SGCZ: variants seen among roughly 807,000 people sequenced by gnomAD.
SGCZ encodes the protein sarcoglycan zeta.
In SGCZ, 40 loss-of-function variants were observed where a neutral mutation model predicts 41.3. The observed-to-expected ratio is 0.97, with a 90% confidence interval of 0.75 to 1.26. The LOEUF (loss-of-function observed/expected upper bound fraction) is 1.26. Ranked by LOEUF, SGCZ falls within the 50% of genes most tolerant of loss-of-function variation. The pLI is 0.00. For synonymous variants in SGCZ, 206 were observed against 137.5 expected (o/e 1.50, Z -3.49); for missense variants, 552 against 369.8 (o/e 1.49, Z -4.04).
intron 1 of SGCZ, among the ~76,000 whole-genome samples, chr8:14,939,479 A>G (rs755204432): frequency 1.3e-5 from 2 of 152,162 alleles, no homozygotes; most frequent in Non-Finnish European, 2.9e-5. Flanking sequence ...TTAATGAGCA[A>G]ATAAAATCAG....
chr8:15,075,404 A>T (rs141909891), intron 1 of SGCZ, among the ~76,000 whole-genome samples: 79 of 152,312 alleles, frequency 5.2e-4, no homozygotes, highest in Non-Finnish European at 1.0e-3. Flanking sequence ...TTTTAAAAGC[A>T]TGCTGAACTT....
intron 2 of SGCZ, among the ~76,000 whole-genome samples, chr8:14,542,848 G>T (rs73664391): frequency 1.9e-3 from 293 of 151,960 alleles, no homozygotes; most frequent in African/African-American, 6.7e-3. Flanking sequence ...TCTGCTAAGG[G>T]TGCTATTTAC....
chr8:14,378,997 C>A (rs1036444581), intron 2 of SGCZ, among the ~76,000 whole-genome samples: 1 of 151,952 alleles, frequency 6.6e-6, no homozygotes, highest in African/African-American at 2.4e-5. Flanking sequence ...AATATAATAC[C>A]TTTAAGTTGA....
intron 2 of SGCZ, among the ~76,000 whole-genome samples, chr8:14,527,745 CT>C (rs1373105458): frequency 6.6e-6 from 1 of 152,112 alleles, no homozygotes; most frequent in African/African-American, 2.4e-5. Context: ...TTAATTACCA[CT>C]GCGTCTAACA....
intron 7 of SGCZ, among the ~76,000 whole-genome samples, chr8:14,098,333 A>G (rs1332850974): frequency 6.6e-6 from 1 of 152,184 alleles, no homozygotes; most frequent in African/African-American, 2.4e-5. Flanking sequence ...TGTGAAAGCA[A>G]GAAGTGCACA....
intron 3 of SGCZ, among the ~76,000 whole-genome samples, chr8:14,267,010 G>C (rs1436486413): frequency 6.6e-6 from 1 of 151,966 alleles, no homozygotes; most frequent in African/African-American, 2.4e-5. Flanking sequence ...AAGATTAAAG[G>C]CTCATAAATC....
intron 1 of SGCZ, among the ~76,000 whole-genome samples, chr8:14,941,050 G>A (rs1457667342): frequency 6.6e-6 from 1 of 151,876 alleles, no homozygotes; most frequent in East Asian, 1.9e-4. Context: ...TAAATAGACA[G>A]GCAACAAATA....
Position 14,784,902 on chromosome 8 carries a change from C to CAAA in SGCZ, c.40-229979_40-229977dup, listed in dbSNP as rs1182679983. On this transcript the variant is annotated intron_variant, in intron 1 of 7. Transcript: ENST00000382080. ...GGGTAACAAGAGTGAAACTCTGCCT[C>CAAA]AAAAAAAAAAAATATATATATATAT... is the stretch of plus-strand genomic sequence containing the variant. Among the ~76,000 whole-genome samples, 241 of 39,530 alleles carry CAAA rather than the reference C, an allele frequency of 6.1e-3. 7 individuals carry two copies. The highest frequency in any genetic ancestry group is 0.026 in the South Asian group (27 of 1,038). The allele number at this position is 39,530 out of a possible 152,430, so 25.9% of individuals were successfully genotyped here.
chr8:15,063,339 C>A (rs1183563932), intron 1 of SGCZ, among the ~76,000 whole-genome samples: 1 of 152,056 alleles, frequency 6.6e-6, no homozygotes, highest in Admixed American at 6.5e-5. Context: ...TTATATTGTT[C>A]TTCTATTGGG....
At chr8:14,823,425 T>G (rs1358154911) in intron 1 of SGCZ, among the ~76,000 whole-genome samples, 1 of 152,090 alleles carries the variant, frequency 6.6e-6, no homozygotes, top group Non-Finnish European at 1.5e-5. Flanking sequence ...CAACAGACCT[T>G]AACACACATT....
intron 2 of SGCZ, among the ~76,000 whole-genome samples, chr8:14,384,036 A>G (rs529729284): frequency 2.0e-5 from 3 of 152,014 alleles, no homozygotes; most frequent in African/African-American, 7.2e-5. Context: ...ACACATGTAT[A>G]CATGTGCCAT....
At chr8:14,408,970 T>TGTGTGTGTGTGTGTGC (rs1554513898) in intron 2 of SGCZ, among the ~76,000 whole-genome samples, 2 of 103,738 alleles carry the variant, frequency 1.9e-5, no homozygotes, top group African/African-American at 7.7e-5. Flanking sequence ...TGTGTGTGTG[T>TGTGTGTGTGTGTGTGC]GCATGTGTGC....
At chr8:14,532,331 G>A (rs774314937) in intron 2 of SGCZ, among the ~76,000 whole-genome samples, 2 of 152,078 alleles carry the variant, frequency 1.3e-5, no homozygotes, top group Non-Finnish European at 2.9e-5. Context: ...GCTGAATGGA[G>A]TCTTGGTAAA....
At chr8:14,504,621 T>C (rs1802251756) in intron 2 of SGCZ, among the ~76,000 whole-genome samples, 1 of 152,194 alleles carries the variant, frequency 6.6e-6, no homozygotes, top group Admixed American at 6.5e-5. Context: ...TTCTTTTATC[T>C]TTTTATTTTC....
chr8:15,121,831 T>C (rs1807489269), intron 1 of SGCZ, among the ~76,000 whole-genome samples: 2 of 149,746 alleles, frequency 1.3e-5, no homozygotes, highest in Admixed American at 1.3e-4. Flanking sequence ...AAGACAGCAG[T>C]ATGTTCTGGA....
intron 1 of SGCZ, among the ~76,000 whole-genome samples, chr8:15,218,126 TTTTC>T (rs1436580050): frequency 1.4e-4 from 21 of 152,190 alleles, no homozygotes; most frequent in Admixed American, 1.4e-3. Flanking sequence ...TCTATTAAAT[TTTTC>T]TTTCTTTGTG....
At chr8:15,098,290 C>A (rs1359951040) in intron 1 of SGCZ, among the ~76,000 whole-genome samples, 2 of 152,076 alleles carry the variant, frequency 1.3e-5, no homozygotes, top group Non-Finnish European at 2.9e-5. Flanking sequence ...TGTGCATATT[C>A]TTCCTTACAT....
rs144114498 is a variant in SGCZ at position 14,707,352 on chromosome 8, T to A, written c.40-152426A>T. On this transcript the variant is annotated intron_variant, in intron 1 of 7. Coordinates refer to ENST00000382080, the MANE Select transcript of SGCZ (RefSeq NM_139167.4). ...ACATGTATTCAGCCATTAGAAAATT[T>A]AACAAACGATGTTAGTAATGGAAAA... Among the ~76,000 whole-genome samples, 519 of 152,156 alleles carry A rather than the reference T, an allele frequency of 3.4e-3. 5 individuals are homozygous for A. Among genetic ancestry groups the A allele is most frequent in the African/African-American group, 0.012 (494 of 41,514 alleles).
chr8:15,150,175 T>C (rs1799139200), intron 1 of SGCZ, among the ~76,000 whole-genome samples: 1 of 152,234 alleles, frequency 6.6e-6, no homozygotes, highest in Admixed American at 6.5e-5. Flanking sequence ...TTATGAGGAC[T>C]GTGTATTGCT....
Sources: gnomAD v4.1 joint callset for allele counts (sites outside exome capture counted in the v4.1 genomes callset) on GRCh38, gnomAD v4.1.1 for gene constraint, MANE v1.5 for transcripts, NCBI Gene and HGNC (gene_info 2026-07-23, HGNC 2026-07-21) for gene names.